MTHFD1L: variants seen among roughly 807,000 people sequenced by gnomAD.
MTHFD1L encodes monofunctional C1-tetrahydrofolate synthase, mitochondrial.
MTHFD1L carries 81 observed loss-of-function variants against 119.5 expected under a neutral mutation model. The ratio of observed to expected loss-of-function variants is 0.68; its 90% confidence interval spans 0.57 to 0.82. The LOEUF (loss-of-function observed/expected upper bound fraction) is 0.82, where lower values mean the gene tolerates loss of function less well. Ranked by LOEUF, MTHFD1L falls within the 40% of genes least tolerant of loss-of-function variation. The pLI is 0.00. For synonymous variants in MTHFD1L, 430 were observed against 475.2 expected, an observed-to-expected ratio of 0.90 and a Z score of 1.24; for missense variants, 1,125 against 1,253.4, an observed-to-expected ratio of 0.90 and a Z score of 1.55.
At position 151,046,471 on chromosome 6, in the gene MTHFD1L, G is replaced by GTATATA. The variant is rs1156377344; in HGVS notation, c.2847+9393_2847+9398dup. On this transcript the variant is annotated intron_variant, in intron 26 of 27. Transcript: ENST00000367321. Reference sequence around the variant, plus strand: ...ATATATATATATAATATGTGTGTGTGTATATATATATATATATATATATAT... The same window carrying GTATATA: ...ATATATATATATAATATGTGTGTGTGTATATATATATATATATATATATATATATAT... Among the ~76,000 whole-genome samples, 190 of 36,344 alleles carry GTATATA rather than the reference G, an allele frequency of 5.2e-3. 2 individuals are homozygous for GTATATA. The highest frequency in any genetic ancestry group is 7.8e-3 in the Non-Finnish European group (100 of 12,882). 23.8% of individuals were successfully genotyped at this position (36,344 alleles called of 152,430 possible).
Position 151,015,586 on chromosome 6 carries a change from C to G in MTHFD1L, c.2479C>G (p.Pro827Ala). Residue 827 changes from proline to alanine, a missense_variant, in exon 24 of 28, where the codon CCC becomes GCC. Around this residue, in one of 3 missense-constraint regions of MTHFD1L, gnomAD observed 1,058 missense variants for 1,151.2 expected, o/e 0.92. Coordinates refer to ENST00000367321, the MANE Select transcript of MTHFD1L (RefSeq NM_015440.5). ...GCGGGCTGGTGCCTTTGATGCAGTC[C>G]CCTGCTATCACTGGTCCGTTGGTGG... is the stretch of plus-strand genomic sequence containing the variant. Reference protein sequence around the residue: ...AKRAGAFDAVPCYHWSVGGKG... With the variant: ...AKRAGAFDAVACYHWSVGGKG... The G allele has an allele frequency of 6.2e-7, 1 of 1,614,112 alleles. No individual in the cohort carries two copies. The highest frequency in any genetic ancestry group is 8.5e-7 in the Non-Finnish European group (1 of 1,180,030).
rs930041278 is a variant in MTHFD1L, at chr6:151,034,747, G to C, written c.2694+147G>C. On this transcript the variant is annotated intron_variant, in intron 25 of 27. Transcript: ENST00000367321. ...AACAAAGATGAAGGTAATATCCTCGGGTAGAGTGTAGACTATATTTAGAAC... is the reference window on the plus strand; with the variant it reads ...AACAAAGATGAAGGTAATATCCTCGCGTAGAGTGTAGACTATATTTAGAAC... 13 of 648,892 alleles carry C rather than the reference G, an allele frequency of 2.0e-5. No individual in the cohort carries two copies. The East Asian group carries it at 2.4e-4, about 12-fold the overall frequency. 40.2% of individuals were successfully genotyped at this position (648,892 alleles called of 1,614,324 possible). A position where few individuals can be genotyped will look rare whatever the true frequency, so the allele number is the denominator to read the frequency against.
chr6:150,948,917 T>G (rs1794461546), intron 15 of MTHFD1L, 114 bp from the exon 16 acceptor site: 1 of 944,806 alleles, frequency 1.1e-6, no homozygotes, highest in Admixed American at 2.3e-5. Flanking sequence ...CCAGTTTAGT[T>G]TTTTAAAAGG....
intron 11 of MTHFD1L, among the ~76,000 whole-genome samples, chr6:150,929,783 A>T (rs1301384413): frequency 1.3e-5 from 2 of 152,266 alleles, no homozygotes; most frequent in Non-Finnish European, 2.9e-5. Context: ...ACACCAAGGG[A>T]TCAACAATTC....
At chr6:150,890,570 C>T (rs771532060) in intron 7 of MTHFD1L, among the ~76,000 whole-genome samples, 20 of 152,172 alleles carry the variant, frequency 1.3e-4, no homozygotes, top group Non-Finnish European at 2.8e-4. Context: ...AATATGTTAC[C>T]GGTGGCAGCT....
chr6:151,062,212 G>A (rs1481218790), intron 26 of MTHFD1L, among the ~76,000 whole-genome samples: 10 of 152,152 alleles, frequency 6.6e-5, no homozygotes, highest in Non-Finnish European at 8.8e-5. Context: ...CGAGGCGAGC[G>A]GATCACGAGG....
intron 15 of MTHFD1L, among the ~76,000 whole-genome samples, chr6:150,947,673 G>T (rs1285108612): frequency 1.4e-5 from 2 of 146,936 alleles, no homozygotes; most frequent in Non-Finnish European, 3.0e-5. Flanking sequence ...AACTTAACTT[G>T]AATTACTGGT....
chr6:150,889,176 C>CAAA (rs57228842), intron 7 of MTHFD1L, among the ~76,000 whole-genome samples: 4,249 of 146,384 alleles, frequency 0.029, 109 homozygotes, highest in African/African-American at 0.075. Flanking sequence ...GACTCCGTCT[C>CAAA]AAAAAAAAAA....
chr6:150,931,121 A>G (rs1790954818), intron 11 of MTHFD1L, among the ~76,000 whole-genome samples: 1 of 152,194 alleles, frequency 6.6e-6, no homozygotes, highest in Non-Finnish European at 1.5e-5. Context: ...CTCAGTCTCC[A>G]TCAGGCCTGC....
At position 151,039,322 on chromosome 6, in the gene MTHFD1L, G is replaced by GCCA. The variant is rs1487657034; in HGVS notation, c.2847+2205_2847+2206insCCA. 1.3e-5 allele frequency among the ~76,000 whole-genome samples: 2 copies of GCCA among 152,174 alleles called. No individual in the cohort carries two copies. Among genetic ancestry groups the GCCA allele is most frequent in the Non-Finnish European group, 2.9e-5 (2 of 68,036 alleles). ...TTCAGATCAGTGGTTGCCAGGAGTT[G>GCCA]GGGGAGGGGAAGCGTTTGACTGCAG... On this transcript the variant is annotated intron_variant, in intron 26 of 27. Coordinates refer to ENST00000367321, the MANE Select transcript of MTHFD1L (RefSeq NM_015440.5). The surrounding 1 kb of genome is among the most constrained non-coding windows in gnomAD (Gnocchi z 4.4).
chr6:151,027,816 AAAAC>A (rs1159017698), intron 24 of MTHFD1L, among the ~76,000 whole-genome samples: 2 of 152,204 alleles, frequency 1.3e-5, no homozygotes, highest in Admixed American at 1.3e-4. Flanking sequence ...TTGTGAGTGA[AAAAC>A]AAAAATTGTA....
chr6:150,975,092 A>G (rs1344039371), intron 20 of MTHFD1L, among the ~76,000 whole-genome samples: 1 of 152,096 alleles, frequency 6.6e-6, no homozygotes, highest in African/African-American at 2.4e-5. Context: ...GATAGACCAT[A>G]CTTTGTTTAT....
intron 26 of MTHFD1L, among the ~76,000 whole-genome samples, chr6:151,046,471 GTATATATATATATATATATATATA>G (rs1156377344): frequency 0.074 from 2,699 of 36,482 alleles, 141 homozygotes; most frequent in African/African-American, 0.15. Context: ...ATGTGTGTGT[GTATATATATATATATATATATATA>G]TATATATATA....
intron 20 of MTHFD1L, among the ~76,000 whole-genome samples, chr6:150,978,470 T>G (rs112968151): frequency 6.6e-6 from 1 of 152,316 alleles, no homozygotes; most frequent in East Asian, 1.9e-4. Flanking sequence ...CCTGGGTACA[T>G]GAGCATAAAC....
intron 20 of MTHFD1L, among the ~76,000 whole-genome samples, chr6:151,002,376 G>A (rs1780737153): frequency 6.6e-6 from 1 of 152,184 alleles, no homozygotes; most frequent in African/African-American, 2.4e-5. Context: ...AGTGAGACAG[G>A]ACACCTAGTA....
intron 27 of MTHFD1L, among the ~76,000 whole-genome samples, chr6:151,098,689 T>G (rs1408568397): frequency 6.6e-6 from 1 of 152,214 alleles, no homozygotes; most frequent in East Asian, 1.9e-4. Context: ...CATGCCAGAA[T>G]AGACTGTTTT....
At chr6:150,880,591 G>T (rs774109909) in intron 4 of MTHFD1L, among the ~76,000 whole-genome samples, 15 of 152,206 alleles carry the variant, frequency 9.9e-5, no homozygotes, top group Non-Finnish European at 2.1e-4. Context: ...TCAGCATAGC[G>T]GTTTCAGTTC....
intron 1 of MTHFD1L, among the ~76,000 whole-genome samples, chr6:150,872,974 T>G (rs906916557): frequency 2.6e-5 from 4 of 151,900 alleles, no homozygotes; most frequent in Non-Finnish European, 5.9e-5. Flanking sequence ...CATCCCCAAC[T>G]ATTTTAAAAG....
chr6:151,068,197 A>G (rs1435486906), intron 26 of MTHFD1L, among the ~76,000 whole-genome samples: 3 of 152,258 alleles, frequency 2.0e-5, no homozygotes, highest in Non-Finnish European at 4.4e-5. Flanking sequence ...TCTAAAGATG[A>G]CAAAGAAAAG....
Sources: gnomAD v4.1 joint callset for allele counts (sites outside exome capture counted in the v4.1 genomes callset) on GRCh38, gnomAD v4.1.1 for gene constraint, gnomAD v4.1.1 regional missense constraint, Gnocchi (gnomAD v3.1) non-coding constraint, MANE v1.5 for transcripts, NCBI Gene and HGNC (gene_info 2026-07-23, HGNC 2026-07-21) for gene names.